Variants in MYT1L observed in about 807,000 individuals in gnomAD.
MYT1L encodes the protein myelin transcription factor 1-like protein.
In MYT1L, 12 loss-of-function variants were observed where a neutral mutation model predicts 126.7. The ratio of observed to expected loss-of-function variants is 0.09; its 90% CI spans 0.06 to 0.15. MYT1L has a LOEUF of 0.15. MYT1L is among the 10% of genes least tolerant of loss of function. The pLI, the probability that MYT1L is intolerant of heterozygous loss-of-function variation, is 1.00. For missense variants in MYT1L, 979 were observed against 1,585.2 expected, an observed-to-expected ratio of 0.62 and a Z score of 6.49; for synonymous variants, 541 against 604.2, an observed-to-expected ratio of 0.90 and a Z score of 1.53.
rs1211240005 is a variant in MYT1L, at chr2:2,228,375, C to T, written c.-420-55387G>A. Among the ~76,000 whole-genome samples the T allele has an allele frequency of 6.6e-6, 1 of 152,170 alleles. No homozygotes were observed. The highest frequency in any genetic ancestry group is 1.5e-5 in the Non-Finnish European group (1 of 68,032). ...AATAATTTAGCTAGCCACATGGTTA[C>T]TTACCATTGTGTTAGATTTTGAATA... On this transcript the variant is annotated intron_variant, in intron 2 of 24. Transcript: ENST00000647738. The surrounding 1 kb of genome is among the most constrained non-coding windows in gnomAD (Gnocchi z 5.9).
At chr2:2,160,374 T>C (rs1293162211) in intron 3 of MYT1L, among the ~76,000 whole-genome samples, 4 of 152,218 alleles carry the variant, frequency 2.6e-5, no homozygotes, top group African/African-American at 7.2e-5. Flanking sequence ...TTTTATATAA[T>C]AGAAACCAAA....
At chr2:1,805,675 C>CA (rs2147951619) in intron 22 of MYT1L, among the ~76,000 whole-genome samples, 1 of 152,292 alleles carries the variant, frequency 6.6e-6, no homozygotes, top group South Asian at 2.1e-4. Flanking sequence ...TGCTTGAGCT[C>CA]AGGAGTTTGA....
chr2:2,039,307 G>A (rs1328464294), intron 4 of MYT1L, among the ~76,000 whole-genome samples: 1 of 152,044 alleles, frequency 6.6e-6, no homozygotes, highest in Non-Finnish European at 1.5e-5. Context: ...GGAGGCCCTG[G>A]TGGGAGGATC....
At chr2:2,130,431 G>T (rs1432919752) in intron 3 of MYT1L, among the ~76,000 whole-genome samples, 1 of 152,074 alleles carries the variant, frequency 6.6e-6, no homozygotes, top group African/African-American at 2.4e-5. Flanking sequence ...CAATACACAG[G>T]CATCCCTCCT....
At chr2:2,225,405 C>T (rs927185687) in intron 2 of MYT1L, among the ~76,000 whole-genome samples, 2 of 152,180 alleles carry the variant, frequency 1.3e-5, no homozygotes, top group Admixed American at 6.5e-5. Context: ...CCTACGTACA[C>T]CCCAGTTGCA....
At chr2:2,303,897 G>A (rs2095822449) in intron 1 of MYT1L, 2 of 152,126 alleles carry the variant, frequency 1.3e-5, no homozygotes, top group South Asian at 2.1e-4. Context: ...GAAAAACATC[G>A]AGCAACACGT....
At chr2:2,298,390 T>A (rs1378317918) in intron 1 of MYT1L, among the ~76,000 whole-genome samples, 1 of 152,218 alleles carries the variant, frequency 6.6e-6, no homozygotes, top group South Asian at 2.1e-4. Context: ...AACAGTCTTC[T>A]GGTGTGGATC....
rs545860223 is a variant in MYT1L, at chr2:1,859,319, T to G, written c.2712-7616A>C. Among the ~76,000 whole-genome samples the G allele has an allele frequency of 3.9e-5, 6 of 152,372 alleles. No homozygotes were observed. In the East Asian group the frequency reaches 1.2e-3, roughly 29 times the overall value. Reference sequence around the variant, plus strand: ...TTCTTTCTTTTGGTTCCCAGCACTTTTCTTTTTAAATTACACTAGAAAATA... The same window carrying G: ...TTCTTTCTTTTGGTTCCCAGCACTTGTCTTTTTAAATTACACTAGAAAATA... On this transcript the variant is annotated intron_variant, in intron 18 of 24. Coordinates refer to ENST00000647738, the MANE Select transcript of MYT1L (RefSeq NM_001303052.2).
At chr2:2,149,450 C>T (rs1365181999) in intron 3 of MYT1L, among the ~76,000 whole-genome samples, 1 of 152,186 alleles carries the variant, frequency 6.6e-6, no homozygotes, top group Non-Finnish European at 1.5e-5. Context: ...GACTGACTTG[C>T]CCAAAGCCAC....
At chr2:1,953,476 G>C (rs545257855) in intron 8 of MYT1L, among the ~76,000 whole-genome samples, 2 of 152,278 alleles carry the variant, frequency 1.3e-5, no homozygotes, top group African/African-American at 4.8e-5. Context: ...TCTCCATCAT[G>C]TCATTCCTGC....
chr2:2,216,008 T>A (rs2093665604), intron 2 of MYT1L, among the ~76,000 whole-genome samples: 1 of 151,994 alleles, frequency 6.6e-6, no homozygotes, highest in Non-Finnish European at 1.5e-5. Context: ...CAACCTTCTC[T>A]CCTCTTTCTC....
chr2:1,969,069 G>T (rs142734096), intron 8 of MYT1L, among the ~76,000 whole-genome samples: 3 of 152,336 alleles, frequency 2.0e-5, no homozygotes, highest in Non-Finnish European at 4.4e-5. Flanking sequence ...CTTAAATACT[G>T]CCTTGCTTGC....
chr2:2,118,367 T>C (rs907322873), intron 3 of MYT1L, among the ~76,000 whole-genome samples: 2 of 152,306 alleles, frequency 1.3e-5, no homozygotes, highest in African/African-American at 2.4e-5. Context: ...GAAGTCCTAA[T>C]TGAAGATAAC....
At chr2:2,322,779 T>G (rs2096191553) in intron 1 of MYT1L, among the ~76,000 whole-genome samples, 1 of 152,158 alleles carries the variant, frequency 6.6e-6, no homozygotes, top group South Asian at 2.1e-4. Flanking sequence ...GCAGCTATAT[T>G]AATCATATAA....
intron 4 of MYT1L, among the ~76,000 whole-genome samples, chr2:2,045,990 T>A (rs1383012492): frequency 6.6e-6 from 1 of 152,214 alleles, no homozygotes; most frequent in Non-Finnish European, 1.5e-5. Flanking sequence ...TCTGTATCTT[T>A]GGGACCCTTT....
intron 5 of MYT1L, among the ~76,000 whole-genome samples, chr2:1,981,147 A>G (rs2060579645): frequency 6.6e-6 from 1 of 152,250 alleles, no homozygotes; most frequent in African/African-American, 2.4e-5. Flanking sequence ...CCACATGGAC[A>G]GTGCCTGATT....
At chr2:2,257,045 A>C (rs1414234537) in intron 2 of MYT1L, among the ~76,000 whole-genome samples, 2 of 152,136 alleles carry the variant, frequency 1.3e-5, no homozygotes, top group Admixed American at 1.3e-4. Context: ...TTAGTGAACT[A>C]TGCATTCCTG....
chr2:1,796,836 C>G (rs1185018864), intron 23 of MYT1L, among the ~76,000 whole-genome samples: 1 of 152,186 alleles, frequency 6.6e-6, no homozygotes, highest in Non-Finnish European at 1.5e-5. Context: ...GGGTCTCGAA[C>G]TCCGGCTCTC....
chr2:1,991,833 G>A (rs1043461188), intron 5 of MYT1L, among the ~76,000 whole-genome samples: 8 of 152,036 alleles, frequency 5.3e-5, no homozygotes, highest in African/African-American at 1.2e-4. Context: ...CTCCATCAGC[G>A]AAGACTAGGA....
Sources: allele counts gnomAD v4.1 joint callset (sites outside exome capture counted in the v4.1 genomes callset), GRCh38; gene constraint gnomAD v4.1.1; non-coding constraint Gnocchi (gnomAD v3.1); transcripts MANE v1.5; gene names NCBI Gene and HGNC (gene_info 2026-07-23, HGNC 2026-07-21).